NEDD1: variants seen among roughly 807,000 people sequenced by gnomAD.
NEDD1 encodes the protein protein NEDD1.
Under a neutral mutation model 74.0 loss-of-function variants are expected in NEDD1, and 33 were observed. That is an observed-to-expected ratio of 0.45 (90% confidence interval 0.34 to 0.60). NEDD1 has a LOEUF of 0.60. Among genes scored for constraint, NEDD1 ranks in the 20% least tolerant of loss-of-function variants. The pLI, the probability that NEDD1 is intolerant of heterozygous loss-of-function variation, is 0.01. For missense variants in NEDD1, 746 were observed against 776.5 expected (o/e 0.96, Z 0.47); for synonymous variants, 250 against 264.4 (o/e 0.95, Z 0.53).
intron 9 of NEDD1, among the ~76,000 whole-genome samples, chr12:96,937,916 T>C (rs1469911176): frequency 1.3e-5 from 2 of 152,116 alleles, no homozygotes; most frequent in Non-Finnish European, 2.9e-5. Context: ...AAAATATTTC[T>C]TGCTCACAAT....
intron 6 of NEDD1, chr12:96,925,002 C>G: frequency 3.4e-6 from 1 of 292,232 alleles, no homozygotes; most frequent in Non-Finnish European, 6.7e-6. Flanking sequence ...GCAGATTTTA[C>G]TATTTATGTT....
chr12:96,941,056 T>C (rs1877619286), intron 10 of NEDD1, among the ~76,000 whole-genome samples: 1 of 152,112 alleles, frequency 6.6e-6, no homozygotes, highest in South Asian at 2.1e-4. Flanking sequence ...TTTTTGGTAC[T>C]AACATCCATA....
chr12:96,937,408 T>C lies in NEDD1; in HGVS notation c.1117+15T>C, dbSNP rs117918845. 3.4e-3 allele frequency: 4,955 copies of C among 1,478,188 alleles called. 19 individuals carry two copies. The highest frequency in any genetic ancestry group is 3.6e-3 in the Non-Finnish European group (3,955 of 1,097,074). 91.6% of individuals were successfully genotyped at this position (1,478,188 alleles called of 1,614,324 possible). On this transcript the variant is annotated intron_variant, in intron 9 of 15. Transcript: ENST00000266742. The stretch of plus-strand genomic sequence containing the variant: ...AGAAAAAGCAGGTAAATGTTGCTTA[T>C]ATATTGTTGGAGGGTTGGTTTGTTT...
intron 14 of NEDD1, among the ~76,000 whole-genome samples, chr12:96,950,736 T>G (rs896613479): frequency 1.3e-5 from 2 of 151,958 alleles, no homozygotes; most frequent in Admixed American, 6.6e-5. Flanking sequence ...TTTCTTGGGC[T>G]TTTTCCCAAG....
intron 6 of NEDD1, among the ~76,000 whole-genome samples, chr12:96,922,726 T>C (rs1484909437): frequency 6.6e-6 from 1 of 152,206 alleles, no homozygotes; most frequent in African/African-American, 2.4e-5. Flanking sequence ...GTAAATACAT[T>C]GGTGTAACTA....
At chr12:96,934,597 G>C (rs1219388716) in intron 6 of NEDD1, among the ~76,000 whole-genome samples, 2 of 151,464 alleles carry the variant, frequency 1.3e-5, no homozygotes, top group Admixed American at 6.6e-5. Context: ...GAGTACAATA[G>C]TGTGATCTTG....
chr12:96,908,874 C>G (rs1873601615), intron 2 of NEDD1, among the ~76,000 whole-genome samples: 1 of 152,086 alleles, frequency 6.6e-6, no homozygotes, highest in Admixed American at 6.5e-5. Flanking sequence ...ATTATAAGAA[C>G]AAATAAAAAT....
chr12:96,909,176 C>CAA lies in NEDD1; in HGVS notation c.-8-559_-8-558dup, dbSNP rs71307519. On this transcript the variant is annotated intron_variant, in intron 2 of 15. Coordinates refer to ENST00000266742, the MANE Select transcript of NEDD1 (RefSeq NM_152905.4). ...GGACAACAAGAGTGAAACTCCGTCT[C>CAA]AAAAAAAAAAAAAAAAAATTCAGAT... Among the ~76,000 whole-genome samples, 690 of 107,434 alleles carry CAA rather than the reference C, an allele frequency of 6.4e-3. 2 individuals carry two copies. The highest frequency in any genetic ancestry group is 0.014 in the African/African-American group (393 of 28,458). 70.5% of individuals were successfully genotyped at this position (107,434 alleles called of 152,430 possible). A position where few individuals can be genotyped will look rare whatever the true frequency, so the allele number is the denominator to read the frequency against.
intron 5 of NEDD1, among the ~76,000 whole-genome samples, chr12:96,918,588 GTT>G (rs1341494172): frequency 6.6e-6 from 1 of 152,098 alleles, no homozygotes; most frequent in African/African-American, 2.4e-5. Flanking sequence ...AATTCGTAAT[GTT>G]TAGCTCCCTC....
intron 12 of NEDD1, 134 bp from the exon 13 acceptor site, chr12:96,944,505 T>C: frequency 4.0e-6 from 2 of 496,864 alleles, no homozygotes; most frequent in Non-Finnish European, 3.5e-6. Flanking sequence ...TTTCTTCTTC[T>C]ATATCTCTTC....
chr12:96,935,188 T>C lies in NEDD1; in HGVS notation c.702T>C (p.Tyr234=). 7.6e-6 allele frequency: 12 copies of C among 1,584,596 alleles called. No individual in the cohort carries two copies. The highest frequency in any genetic ancestry group is 1.0e-5 in the Non-Finnish European group (12 of 1,152,990). The change falls in exon 7 of 16, where the codon TAT becomes TAC. Residue 234 remains tyrosine, a synonymous_variant. Coordinates refer to ENST00000266742, the MANE Select transcript of NEDD1 (RefSeq NM_152905.4). ...GCTTGGATAAAAGAATCATCCTCTA[T>C]GACACTTCAAGTAAGAAGTAAGTGT... is the stretch of plus-strand genomic sequence containing the variant. The part of the protein sequence containing the change: ...TIGLDKRIIL[Y]DTSSKKLVKT...
intron 9 of NEDD1, among the ~76,000 whole-genome samples, chr12:96,939,548 T>C (rs11830956): frequency 2.7e-4 from 41 of 152,170 alleles, no homozygotes; most frequent in Non-Finnish European, 1.2e-4. Flanking sequence ...AGTTTTTCAT[T>C]TGGGCCTGAG....
chr12:96,934,736 C>T (rs1876910040), intron 6 of NEDD1, among the ~76,000 whole-genome samples: 1 of 152,020 alleles, frequency 6.6e-6, no homozygotes. Flanking sequence ...TGGGGTTTCA[C>T]TAGGTTGGGC....
rs147992304 is a variant in NEDD1, at chr12:96,941,747, C to CT, written c.1247-824dup. Among the ~76,000 whole-genome samples, 1,331 of 152,166 alleles carry CT rather than the reference C, an allele frequency of 8.7e-3. 22 individuals are homozygous for CT. The highest frequency in any genetic ancestry group is 0.03 in the African/African-American group (1,247 of 41,522). On this transcript the variant is annotated intron_variant, in intron 10 of 15. Transcript: ENST00000266742. ...GTTTTTAAGACAAATGAATAAATTACTTTTTTCTTTAATTACTTTTGCTAT... is the reference window on the plus strand; with the variant it reads ...GTTTTTAAGACAAATGAATAAATTACTTTTTTTCTTTAATTACTTTTGCTAT...
chr12:96,908,448 C>T (rs1053959014), intron 2 of NEDD1, among the ~76,000 whole-genome samples: 9 of 152,192 alleles, frequency 5.9e-5, no homozygotes, highest in African/African-American at 2.2e-4. Flanking sequence ...TCTGTGCCCT[C>T]TCCCTTTCCT....
chr12:96,916,349 C>T (rs901177415), intron 4 of NEDD1, among the ~76,000 whole-genome samples: 6 of 145,530 alleles, frequency 4.1e-5, no homozygotes, highest in African/African-American at 1.3e-4. Flanking sequence ...TGGTGCGCTG[C>T]ACCCACTAAC....
intron 14 of NEDD1, among the ~76,000 whole-genome samples, chr12:96,948,132 T>TG (rs1878373864): frequency 6.6e-6 from 1 of 152,162 alleles, no homozygotes; most frequent in Admixed American, 6.5e-5. Context: ...CATGAGAGCC[T>TG]GGAGTGCCTT....
chr12:96,907,837 T>C lies in NEDD1; in HGVS notation c.-28T>C. The C allele has an allele frequency of 3.5e-6, 5 of 1,417,412 alleles. No homozygotes were observed. Among genetic ancestry groups the C allele is most frequent in the Non-Finnish European group, 4.6e-6 (5 of 1,084,620 alleles). The allele number at this position is 1,417,412 out of a possible 1,614,324, so 87.8% of individuals were successfully genotyped here. On this transcript the variant is annotated 5_prime_UTR_variant, in exon 2 of 16. Coordinates refer to ENST00000266742, the MANE Select transcript of NEDD1 (RefSeq NM_152905.4). Reference sequence around the variant, plus strand: ...TCATGTAAAGTCTCTCCCTTAATGCTCAGTTCTTAGAAGACCGAGGTAGGT... The same window carrying C: ...TCATGTAAAGTCTCTCCCTTAATGCCCAGTTCTTAGAAGACCGAGGTAGGT...
chr12:96,947,358 A>G (rs2136623484), intron 14 of NEDD1, among the ~76,000 whole-genome samples: 1 of 152,278 alleles, frequency 6.6e-6, no homozygotes, highest in South Asian at 2.1e-4. Context: ...AGAAAGGTAC[A>G]CTGAAGAGAT....
Sources: gnomAD v4.1 joint callset for allele counts (sites outside exome capture counted in the v4.1 genomes callset) on GRCh38, gnomAD v4.1.1 for gene constraint, MANE v1.5 for transcripts, NCBI Gene and HGNC (gene_info 2026-07-23, HGNC 2026-07-21) for gene names.